Variants in THEMIS observed in about 807,000 individuals in gnomAD.
The protein encoded by THEMIS is thymocyte selection associated.
THEMIS carries 37 observed loss-of-function variants against 52.6 expected under a neutral mutation model. That is an observed-to-expected ratio of 0.70 (90% CI 0.54 to 0.93). The LOEUF is 0.93. THEMIS is among the 40% of genes least tolerant of loss of function. THEMIS has a pLI of 0.00. For synonymous variants in THEMIS, 292 were observed against 272.7 expected (o/e 1.07, Z -0.70); for missense variants, 808 against 763.1 (o/e 1.06, Z -0.69).
downstream of THEMIS, among the ~76,000 whole-genome samples, chr6:127,706,799 G>T (rs1773812753): frequency 6.6e-6 from 1 of 152,114 alleles, no homozygotes; most frequent in African/African-American, 2.4e-5. Flanking sequence ...GGAGTGACCT[G>T]TGTGGAGAGG....
upstream of THEMIS, among the ~76,000 whole-genome samples, chr6:127,902,656 T>C (rs1013597054): frequency 6.6e-6 from 1 of 152,122 alleles, no homozygotes; most frequent in African/African-American, 2.4e-5. Context: ...AATTTACGAT[T>C]GACCACATCA....
At chr6:127,852,190 A>C (rs138625658) in intron 2 of THEMIS, among the ~76,000 whole-genome samples, 30 of 151,700 alleles carry the variant, frequency 2.0e-4, no homozygotes, top group Non-Finnish European at 3.4e-4. Flanking sequence ...TCAACAAGAG[A>C]TAACAATTAC....
At chr6:127,780,955 G>A (rs1338670383) in intron 4 of THEMIS, among the ~76,000 whole-genome samples, 1 of 152,108 alleles carries the variant, frequency 6.6e-6, no homozygotes, top group African/African-American at 2.4e-5. Context: ...CTAGGTTGGG[G>A]AAGTTCTCCT....
chr6:127,835,520 A>G (rs534448102), intron 2 of THEMIS, among the ~76,000 whole-genome samples: 2 of 152,332 alleles, frequency 1.3e-5, no homozygotes, highest in African/African-American at 4.8e-5. Context: ...GGTAGTACTT[A>G]ACAGCTAGTA....
chr6:127,776,078 G>T (rs2114461001), intron 4 of THEMIS, among the ~76,000 whole-genome samples: 1 of 152,204 alleles, frequency 6.6e-6, no homozygotes, highest in Middle Eastern at 3.4e-3. Flanking sequence ...CAAATAACGG[G>T]GGACTTTTTC....
intron 4 of THEMIS, among the ~76,000 whole-genome samples, chr6:127,734,896 A>AAAAATAT (rs1554216674): frequency 3.1e-5 from 2 of 65,446 alleles, no homozygotes; most frequent in Non-Finnish European, 3.1e-5. Context: ...AAAAAAAAAA[A>AAAAATAT]ATATATATAT....
chr6:127,723,590 T>G (rs1466707333), intron 4 of THEMIS, among the ~76,000 whole-genome samples: 2 of 151,980 alleles, frequency 1.3e-5, no homozygotes, highest in Admixed American at 1.3e-4. Context: ...GGCAGGAGCT[T>G]GCATGCCTTA....
intron 4 of THEMIS, among the ~76,000 whole-genome samples, chr6:127,806,150 C>A (rs1777701405): frequency 6.6e-6 from 1 of 152,006 alleles, no homozygotes; most frequent in South Asian, 2.1e-4. Context: ...TCTGTTATTG[C>A]TATCATTTCA....
intron 4 of THEMIS, among the ~76,000 whole-genome samples, chr6:127,733,840 T>C (rs1463055120): frequency 1.3e-5 from 2 of 152,104 alleles, no homozygotes; most frequent in South Asian, 2.1e-4. Context: ...ATCTAGTATA[T>C]ATGACATGTA....
At chr6:127,883,584 G>C (rs1249747426) in intron 1 of THEMIS, among the ~76,000 whole-genome samples, 1 of 151,836 alleles carries the variant, frequency 6.6e-6, no homozygotes, top group Non-Finnish European at 1.5e-5. Flanking sequence ...TACTTGGTTT[G>C]ACTTAGCAAT....
At chr6:127,796,640 T>C (rs549254145) in intron 4 of THEMIS, among the ~76,000 whole-genome samples, 1 of 152,304 alleles carries the variant, frequency 6.6e-6, no homozygotes, top group South Asian at 2.1e-4. Flanking sequence ...TACTTAGATA[T>C]TAAAGCAAAA....
intron 1 of THEMIS, among the ~76,000 whole-genome samples, chr6:127,911,744 C>T (rs986310448): frequency 6.6e-6 from 1 of 151,344 alleles, no homozygotes; most frequent in Non-Finnish European, 1.5e-5. Context: ...ATGGAAATGC[C>T]AGGATGTCCA....
At chr6:127,906,422 T>C (rs1174873315) in intron 1 of THEMIS, among the ~76,000 whole-genome samples, 5 of 151,960 alleles carry the variant, frequency 3.3e-5, no homozygotes, top group Non-Finnish European at 5.9e-5. Context: ...AAAGCAAATA[T>C]TTATTTCATA....
At chr6:127,874,534 G>A (rs149542980) in intron 1 of THEMIS, among the ~76,000 whole-genome samples, 2,653 of 152,082 alleles carry the variant, frequency 0.017, 89 homozygotes, top group African/African-American at 0.06. Context: ...TCTAGGCTAC[G>A]TTGTGAGTTT....
intron 5 of THEMIS, among the ~76,000 whole-genome samples, chr6:127,717,158 A>T (rs1006563325): frequency 2.0e-5 from 3 of 151,794 alleles, no homozygotes; most frequent in Non-Finnish European, 4.4e-5. Context: ...GTAGCTTATT[A>T]TGTACTCTAC....
At chr6:127,903,378 T>C (rs908736265), upstream of THEMIS, among the ~76,000 whole-genome samples, 1 of 151,934 alleles carries the variant, frequency 6.6e-6, no homozygotes, top group Non-Finnish European at 1.5e-5. Context: ...CAGCATGTTA[T>C]AGGTGTAATA....
intron 3 of THEMIS, among the ~76,000 whole-genome samples, chr6:127,820,375 A>G (rs1167820406): frequency 1.3e-5 from 2 of 152,112 alleles, no homozygotes; most frequent in African/African-American, 4.8e-5. Flanking sequence ...TGGCAAGGAC[A>G]CCGTGATCAA....
At chr6:127,893,834 G>A (rs1484449782) in intron 1 of THEMIS, among the ~76,000 whole-genome samples, 4 of 151,876 alleles carry the variant, frequency 2.6e-5, no homozygotes, top group African/African-American at 9.7e-5. Context: ...GCAGAAAGAG[G>A]ACAAAGAATA....
chr6:127,722,294 C>T (rs1774388759), intron 4 of THEMIS, among the ~76,000 whole-genome samples: 1 of 152,004 alleles, frequency 6.6e-6, no homozygotes, highest in South Asian at 2.1e-4. Flanking sequence ...TCTTAAGTTG[C>T]TGACCTTGCC....
Sources: allele counts gnomAD v4.1 joint callset (sites outside exome capture counted in the v4.1 genomes callset), GRCh38; gene constraint gnomAD v4.1.1; transcripts MANE v1.5; gene names NCBI Gene and HGNC (gene_info 2026-07-23, HGNC 2026-07-21).